MOB1B: variants seen among roughly 807,000 people sequenced by gnomAD.
MOB1B encodes the protein MOB kinase activator 1B, also known as MOB1 Mps One Binder homolog B.
In MOB1B, 19 loss-of-function variants were observed where a neutral mutation model predicts 24.4. That is an observed-to-expected ratio of 0.78 (90% CI 0.54 to 1.14). The LOEUF is 1.14. MOB1B is among the 50% of genes most tolerant of loss of function. MOB1B has a pLI of 0.00. For synonymous variants in MOB1B, 76 were observed against 82.1 expected (o/e 0.93, Z 0.40); for missense variants, 243 against 259.6 (o/e 0.94, Z 0.44).
intron 1 of MOB1B, 129 bp from the exon 2 acceptor site, chr4:70,958,745 C>G: frequency 2.1e-6 from 2 of 938,726 alleles, no homozygotes; most frequent in Non-Finnish European, 3.4e-6. Context: ...GGATGGAGAG[C>G]ACAGTAGTTA....
intron 1 of MOB1B, among the ~76,000 whole-genome samples, chr4:70,907,291 A>G (rs999534205): frequency 5.3e-5 from 8 of 152,146 alleles, no homozygotes; most frequent in Non-Finnish European, 1.2e-4. Context: ...CCTTCCTGAC[A>G]TTTTGTGCAT....
intron 1 of MOB1B, among the ~76,000 whole-genome samples, chr4:70,914,137 A>G (rs1736106238): frequency 6.6e-6 from 1 of 152,216 alleles, no homozygotes; most frequent in South Asian, 2.1e-4. Flanking sequence ...ATGTGAGGAC[A>G]CATAGGAGGC....
At chr4:70,950,800 T>C (rs1264326086) in intron 1 of MOB1B, 1 of 1,522,822 alleles carries the variant, frequency 6.6e-7, no homozygotes, top group Non-Finnish European at 8.8e-7. Flanking sequence ...GAGCTACTGA[T>C]GTGAATGAAA....
intron 1 of MOB1B, among the ~76,000 whole-genome samples, chr4:70,942,526 T>TA (rs1294394645): frequency 6.6e-6 from 1 of 152,160 alleles, no homozygotes; most frequent in Non-Finnish European, 1.5e-5. Context: ...ATAAATATGA[T>TA]TAAAGCTTTC....
chr4:70,947,447 T>TCC (rs200713990), intron 1 of MOB1B, among the ~76,000 whole-genome samples: 1 of 151,208 alleles, frequency 6.6e-6, no homozygotes, highest in African/African-American at 2.4e-5. Context: ...TAGGTTTTTT[T>TCC]CCCCCCCGCC....
At chr4:70,941,428 G>A (rs890478135) in intron 1 of MOB1B, among the ~76,000 whole-genome samples, 3 of 149,868 alleles carry the variant, frequency 2.0e-5, no homozygotes, top group South Asian at 2.1e-4. Context: ...TGAAAGCTCC[G>A]CCTCCTGGGT....
At chr4:70,940,772 G>A (rs985696856) in intron 1 of MOB1B, among the ~76,000 whole-genome samples, 1 of 151,676 alleles carries the variant, frequency 6.6e-6, no homozygotes, top group Non-Finnish European at 1.5e-5. Flanking sequence ...CACCTCCCAG[G>A]TTCAAGCAAT....
intron 3 of MOB1B, among the ~76,000 whole-genome samples, chr4:70,972,546 G>T (rs1025419035): frequency 6.6e-6 from 1 of 152,026 alleles, no homozygotes. Context: ...TATTAAAAAA[G>T]AAATTGTGAA....
At chr4:70,908,328 C>T (rs1241898609) in intron 1 of MOB1B, among the ~76,000 whole-genome samples, 2 of 148,290 alleles carry the variant, frequency 1.3e-5, no homozygotes, top group Non-Finnish European at 3.0e-5. Flanking sequence ...GTGCCCGGCC[C>T]TCTTTTTTTT....
intron 1 of MOB1B, among the ~76,000 whole-genome samples, chr4:70,934,879 C>T (rs541651176): frequency 4.6e-5 from 7 of 152,010 alleles, no homozygotes; most frequent in African/African-American, 1.4e-4. Flanking sequence ...AACCTTCACA[C>T]ATATTTAAAT....
At chr4:70,937,583 C>T (rs185969706) in intron 1 of MOB1B, among the ~76,000 whole-genome samples, 37 of 150,172 alleles carry the variant, frequency 2.5e-4, no homozygotes, top group African/African-American at 8.8e-4. Flanking sequence ...GTGATCTCGG[C>T]TCACTGCAAT....
chr4:70,945,232 C>T (rs1199793636), intron 1 of MOB1B, among the ~76,000 whole-genome samples: 1 of 152,248 alleles, frequency 6.6e-6, no homozygotes, highest in South Asian at 2.1e-4. Context: ...GTTCAGTGCC[C>T]AGAATATCAG....
chr4:70,933,015 TA>T (rs1736939973), intron 1 of MOB1B, among the ~76,000 whole-genome samples: 1 of 152,104 alleles, frequency 6.6e-6, no homozygotes, highest in Non-Finnish European at 1.5e-5. Context: ...GGGTAATTTA[TA>T]AAGAAAAGAG....
intron 1 of MOB1B, among the ~76,000 whole-genome samples, chr4:70,948,808 T>C (rs1484181149): frequency 6.6e-6 from 1 of 151,222 alleles, no homozygotes; most frequent in Non-Finnish European, 1.5e-5. Context: ...CTGCCTAATG[T>C]ATAGAGGTAT....
intron 1 of MOB1B, among the ~76,000 whole-genome samples, chr4:70,934,655 C>T (rs1737014194): frequency 6.6e-6 from 1 of 151,916 alleles, no homozygotes; most frequent in Middle Eastern, 3.2e-3. Flanking sequence ...AGGGTTTCAC[C>T]ATGTTGGCCA....
At chr4:70,940,676 A>ATTTT (rs796738977) in intron 1 of MOB1B, among the ~76,000 whole-genome samples, 1 of 141,644 alleles carries the variant, frequency 7.1e-6, no homozygotes, top group Non-Finnish European at 1.5e-5. Context: ...TAGGGCATTA[A>ATTTT]TTTTTTTTTT....
chr4:70,980,429 T>TG (rs1190971728), intron 5 of MOB1B, among the ~76,000 whole-genome samples: 2 of 152,202 alleles, frequency 1.3e-5, no homozygotes. Context: ...TACACTGTGT[T>TG]TCCCAACTCC....
intron 2 of MOB1B, among the ~76,000 whole-genome samples, chr4:70,959,651 G>A (rs1339384266): frequency 1.3e-5 from 2 of 152,006 alleles, no homozygotes; most frequent in African/African-American, 2.4e-5. Context: ...TCCTTTCTAC[G>A]TGGATGATTT....
chr4:70,908,644 A>G (rs1173462398), intron 1 of MOB1B, among the ~76,000 whole-genome samples: 1 of 150,456 alleles, frequency 6.6e-6, no homozygotes, highest in African/African-American at 2.4e-5. Flanking sequence ...ACATGGTGGC[A>G]TGTGCCTGTA....
Sources: allele counts gnomAD v4.1 joint callset (sites outside exome capture counted in the v4.1 genomes callset), GRCh38; gene constraint gnomAD v4.1.1; transcripts MANE v1.5; gene names NCBI Gene and HGNC (gene_info 2026-07-23, HGNC 2026-07-21).